MOSPD1: variants seen among roughly 807,000 people sequenced by gnomAD.
MOSPD1 encodes motile sperm domain containing 1, also known as motile sperm domain-containing protein 1.
MOSPD1 carries 5 observed loss-of-function variants against 16.7 expected under a neutral mutation model. The observed-to-expected ratio is 0.30, with a 90% CI of 0.16 to 0.63. The LOEUF (loss-of-function observed/expected upper bound fraction) is 0.63. MOSPD1 is among the 30% of genes least tolerant of loss of function. The pLI, the probability that MOSPD1 is intolerant of heterozygous loss-of-function variation, is 0.82. For missense variants in MOSPD1, 104 were observed against 153.6 expected, an observed-to-expected ratio of 0.68 and a Z score of 1.71; for synonymous variants, 67 against 59.2, an observed-to-expected ratio of 1.13 and a Z score of -0.61.
chrX:134,912,149 G>A (rs776436308), intron 1 of MOSPD1, among the ~76,000 whole-genome samples: 11 of 111,340 alleles, frequency 9.9e-5, no homozygotes, highest in Admixed American at 2.9e-4. Flanking sequence ...TCCCAGATTC[G>A]AGCGATTTGC....
chrX:134,914,849 G>A (rs1184438813), intron 1 of MOSPD1, among the ~76,000 whole-genome samples: 1 of 112,630 alleles, frequency 8.9e-6, no homozygotes, highest in African/African-American at 3.2e-5. Context: ...CATCCCCGGG[G>A]CAACCGAACT....
chrX:134,914,020 AGAGT>A (rs1472160384), intron 1 of MOSPD1, among the ~76,000 whole-genome samples: 1 of 112,192 alleles, frequency 8.9e-6, no homozygotes. Flanking sequence ...TCCAGTACTC[AGAGT>A]AAGTGTGGAC....
At chrX:134,904,872 AAAG>A (rs1177772858) in intron 1 of MOSPD1, among the ~76,000 whole-genome samples, 1 of 110,035 alleles carries the variant, frequency 9.1e-6, no homozygotes, top group East Asian at 2.8e-4. Flanking sequence ...AAAAAAAAAA[AAAG>A]AAGATTGGAA....
chrX:134,896,640 A>ACCT (rs1247721402), intron 4 of MOSPD1, 177 bp downstream of exon 4: 5 of 435,916 alleles, frequency 1.1e-5, no homozygotes, highest in Non-Finnish European at 2.0e-5. Flanking sequence ...CTCAAAGTCC[A>ACCT]CCTCCAGGCT....
At chrX:134,907,756 A>C (rs1334262551) in intron 1 of MOSPD1, among the ~76,000 whole-genome samples, 2 of 112,499 alleles carry the variant, frequency 1.8e-5, no homozygotes, top group African/African-American at 6.5e-5. Context: ...AATCCTAGCT[A>C]CTCAGGAGGC....
chrX:134,911,300 C>T (rs1180447342), intron 1 of MOSPD1, among the ~76,000 whole-genome samples: 1 of 112,099 alleles, frequency 8.9e-6, no homozygotes, highest in Non-Finnish European at 1.9e-5. Context: ...ATGAATGTGG[C>T]ATGAAGCAAT....
intron 3 of MOSPD1, among the ~76,000 whole-genome samples, chrX:134,897,676 A>G (rs926278686): frequency 1.8e-4 from 20 of 109,630 alleles, no homozygotes; most frequent in South Asian, 7.8e-4. Context: ...TTCCCCACAA[A>G]CATCTCATAA....
At chrX:134,914,894 C>T (rs181884529) in intron 1 of MOSPD1, among the ~76,000 whole-genome samples, 5,690 of 112,558 alleles carry the variant, frequency 0.051, 159 homozygotes, top group Non-Finnish European at 0.081. Flanking sequence ...CCCGAGCCTG[C>T]CTTTGCCCGG....
At chrX:134,910,455 T>C (rs771907281) in intron 1 of MOSPD1, among the ~76,000 whole-genome samples, 39 of 111,337 alleles carry the variant, frequency 3.5e-4, no homozygotes, top group Non-Finnish European at 6.4e-4. Flanking sequence ...TGAGCACTTA[T>C]TATATACAAG....
intron 4 of MOSPD1, among the ~76,000 whole-genome samples, chrX:134,895,494 T>C (rs2082881384): frequency 9.0e-6 from 1 of 111,708 alleles, no homozygotes; most frequent in African/African-American, 3.2e-5. Context: ...TCTTGGTTAT[T>C]AAACCAATCT....
At chrX:134,900,645 G>A (rs1280567600) in intron 1 of MOSPD1, among the ~76,000 whole-genome samples, 1 of 111,284 alleles carries the variant, frequency 9.0e-6, no homozygotes, top group East Asian at 2.8e-4. Flanking sequence ...ACTGACAGAA[G>A]TCTGAATGCC....
chrX:134,912,936 C>T (rs1418769848), intron 1 of MOSPD1, among the ~76,000 whole-genome samples: 5 of 65,607 alleles, frequency 7.6e-5, no homozygotes, highest in Admixed American at 1.9e-4. Flanking sequence ...GACTCTGTCT[C>T]AAAAAAAAAA....
At chrX:134,893,354 C>T (rs1474362139) in intron 4 of MOSPD1, among the ~76,000 whole-genome samples, 1 of 94,584 alleles carries the variant, frequency 1.1e-5, no homozygotes, top group Non-Finnish European at 2.1e-5. Context: ...ATGACAAGTA[C>T]GCCATTCACT....
chrX:134,904,443 T>G (rs1249204754), intron 1 of MOSPD1, among the ~76,000 whole-genome samples: 1 of 112,176 alleles, frequency 8.9e-6, no homozygotes. Flanking sequence ...CCCCTTTTTG[T>G]GTGAAGTCAT....
intron 5 of MOSPD1, among the ~76,000 whole-genome samples, chrX:134,889,524 T>C (rs2082850998): frequency 8.9e-6 from 1 of 112,083 alleles, no homozygotes; most frequent in South Asian, 3.7e-4. Flanking sequence ...CCAGTGGACT[T>C]TGTTAACAGA....
chrX:134,902,331 C>T lies in MOSPD1; in HGVS notation c.-101-2797G>A, dbSNP rs919536847. Among the ~76,000 whole-genome samples, 3 of 108,960 alleles carry T rather than the reference C, an allele frequency of 2.8e-5. No individual in the cohort carries two copies. In the Admixed American group the frequency reaches 3.0e-4, roughly 11 times the overall value. 94.6% of individuals were successfully genotyped at this position (108,960 alleles called of 115,157 possible). A position where few individuals can be genotyped will look rare whatever the true frequency, so the allele number is the denominator to read the frequency against. ...CTAAGGCAGGAGAATTGCTTGAACC[C>T]GGGAGGCGGAGGTTGCAGTGAGCCG... is the stretch of plus-strand genomic sequence containing the variant. On this transcript the variant is annotated intron_variant, in intron 1 of 5. Transcript: ENST00000370783.
chrX:134,897,803 C>T (rs758937626), intron 3 of MOSPD1, among the ~76,000 whole-genome samples: 14 of 111,612 alleles, frequency 1.3e-4, no homozygotes, highest in Non-Finnish European at 2.6e-4. Flanking sequence ...CCACTATTAC[C>T]AGTGCAACAG....
chrX:134,900,749 T>G (rs1371375436), intron 1 of MOSPD1, among the ~76,000 whole-genome samples: 2 of 110,254 alleles, frequency 1.8e-5, no homozygotes, highest in Non-Finnish European at 3.8e-5. Context: ...TTTTTTTTTT[T>G]AAGAGACAGG....
At chrX:134,912,204 A>G (rs757409353) in intron 1 of MOSPD1, among the ~76,000 whole-genome samples, 126 of 111,298 alleles carry the variant, frequency 1.1e-3, no homozygotes, top group African/African-American at 4.0e-3. Flanking sequence ...CATGCGCCCC[A>G]CGCCTGCCTA....
Sources: gnomAD v4.1 joint callset for allele counts (sites outside exome capture counted in the v4.1 genomes callset) on GRCh38, gnomAD v4.1.1 for gene constraint, MANE v1.5 for transcripts, NCBI Gene and HGNC (gene_info 2026-07-23, HGNC 2026-07-21) for gene names.